PER2: variants seen among roughly 807,000 people sequenced by gnomAD.
PER2 encodes the protein period circadian regulator 2, also known as period circadian protein homolog 2.
A neutral mutation model predicts 121.0 loss-of-function variants in PER2; 66 were observed. The observed-to-expected ratio is 0.55, with a 90% confidence interval of 0.45 to 0.67. PER2 has a LOEUF of 0.67. Ranked by LOEUF, PER2 falls within the 30% of genes least tolerant of loss-of-function variation. The pLI, the probability that PER2 is intolerant of heterozygous loss-of-function variation, is 0.00. For missense variants in PER2, 1,521 were observed against 1,635.0 expected (o/e 0.93, Z 1.20); for synonymous variants, 684 against 659.9 (o/e 1.04, Z -0.56).
At chr2:238,267,491 T>C (rs1696146636) in intron 8 of PER2, among the ~76,000 whole-genome samples, 2 of 152,274 alleles carry the variant, frequency 1.3e-5, no homozygotes, top group Admixed American at 6.5e-5. Flanking sequence ...ACAGCAAGCC[T>C]TGTATGGAGG....
At chr2:238,281,420 A>G (rs375669604) in intron 1 of PER2, among the ~76,000 whole-genome samples, 40 of 152,350 alleles carry the variant, frequency 2.6e-4, no homozygotes, top group African/African-American at 9.4e-4. Context: ...TGAGTCACAT[A>G]AAACCCAAAA....
chr2:238,293,361 A>T (rs1364917758), upstream of PER2, among the ~76,000 whole-genome samples: 1 of 152,310 alleles, frequency 6.6e-6, no homozygotes, highest in African/African-American at 2.4e-5. Flanking sequence ...GACTTCTCTT[A>T]TTATCAGTTT....
At position 238,265,568 on chromosome 2, in the gene PER2, C is replaced by G; in HGVS notation, c.990G>C (p.Lys330Asn). ...GYEAPRIPPE[K>N]RIFTTTHTPN... ...GTGTATGGGTGGTTGTAAAAATTCT[C>G]TTTTCAGGAGGAATTCTAGGGGCTG... The change falls in exon 9 of 23, where the codon AAG becomes AAC. Residue 330 changes from lysine to asparagine, a missense_variant. Transcript: ENST00000254657. The G allele has an allele frequency of 6.2e-7, 1 of 1,607,852 alleles. No homozygotes were observed. Among genetic ancestry groups the G allele is most frequent in the East Asian group, 2.2e-5 (1 of 44,854 alleles).
chr2:238,298,926 T>A, the PER2 span: 2 of 152,224 alleles, frequency 1.3e-5, no homozygotes, highest in Non-Finnish European at 2.9e-5. Context: ...AGGGCCTCAC[T>A]GGCAGCTCAG....
intron 6 of PER2, 106 bp downstream of exon 6, chr2:238,271,206 G>A (rs1287748278): frequency 2.1e-6 from 2 of 948,646 alleles, no homozygotes; most frequent in East Asian, 4.8e-5. Flanking sequence ...CCACAGGTGG[G>A]CTCTGAAAGG....
intron 18 of PER2, among the ~76,000 whole-genome samples, chr2:238,254,614 G>C (rs1695707336): frequency 6.6e-6 from 1 of 152,210 alleles, no homozygotes; most frequent in South Asian, 2.1e-4. Context: ...GTCATGTCTG[G>C]GTCTGGCAGG....
upstream of PER2, among the ~76,000 whole-genome samples, chr2:238,290,790 G>T (rs759319924): frequency 2.6e-5 from 4 of 152,126 alleles, no homozygotes; most frequent in African/African-American, 7.2e-5. Flanking sequence ...GATGTAGAAG[G>T]GGGGAGGAGG....
chr2:238,286,614 C>A (rs1351425379), intron 1 of PER2, among the ~76,000 whole-genome samples: 1 of 152,192 alleles, frequency 6.6e-6, no homozygotes, highest in African/African-American at 2.4e-5. Flanking sequence ...ACAGTCTCTG[C>A]CAAGCTTATG....
At position 238,259,966 on chromosome 2, in the gene PER2, TACCTGTAACGGA is replaced by T; in HGVS notation, c.1618_1627+2del. 1 of 1,290,376 alleles carries T rather than the reference TACCTGTAACGGA, an allele frequency of 7.7e-7. No individual in the cohort carries two copies. The highest frequency in any genetic ancestry group is 1.8e-5 in the Admixed American group (1 of 56,322). 79.9% of individuals were successfully genotyped at this position (1,290,376 alleles called of 1,614,324 possible). A position where few individuals can be genotyped will look rare whatever the true frequency, so the allele number is the denominator to read the frequency against. On this transcript the variant is annotated splice_donor_variant and coding_sequence_variant, in exon 14 of 23. Transcript: ENST00000254657. LOFTEE classifies it high-confidence loss of function. ...AGGAAATGTTGAATATTTTTTTTTT[TACCTGTAACGGA>T]TTTTTTCTTTTGTTCTCCAGATTCA...
intron 5 of PER2, among the ~76,000 whole-genome samples, chr2:238,272,626 G>A (rs1050779391): frequency 1.3e-5 from 2 of 152,254 alleles, no homozygotes; most frequent in Non-Finnish European, 2.9e-5. Context: ...GTGTGTGTAT[G>A]TGGCCCATGT....
intron 8 of PER2, among the ~76,000 whole-genome samples, chr2:238,266,708 A>G (rs1696123865): frequency 6.6e-6 from 1 of 152,204 alleles, no homozygotes; most frequent in Non-Finnish European, 1.5e-5. Context: ...ATTGCAGAGA[A>G]AGTCACATAC....
chr2:238,269,587 A>C (rs533690648), intron 6 of PER2, among the ~76,000 whole-genome samples: 4 of 149,382 alleles, frequency 2.7e-5, no homozygotes, highest in African/African-American at 7.6e-5. Context: ...GCACTGCTGC[A>C]AACACACCAA....
chr2:238,251,609 C>T lies in PER2; in HGVS notation c.3264G>A (p.Pro1088=), dbSNP rs746112929. The change falls in exon 20 of 23, where the codon CCG becomes CCA. Residue 1088 remains proline, a synonymous_variant. Transcript: ENST00000254657. ...CCAGGGCCAACATACCTGCCCCACT[C>T]GGGGAGGCGTCGCAGCCCAGTGAGC... is the stretch of plus-strand genomic sequence containing the variant. The part of the protein sequence containing the change: ...GSGSLGCDAS[P]SGAGSSDTSH... 2.5e-5 allele frequency: 40 copies of T among 1,613,976 alleles called. No individual in the cohort carries two copies. The highest frequency in any genetic ancestry group is 1.0e-4 in the Admixed American group (6 of 59,988).
chr2:238,261,395 GC>G (rs1695927108), intron 12 of PER2: 7 of 415,218 alleles, frequency 1.7e-5, no homozygotes, highest in Non-Finnish European at 2.7e-5. Context: ...AAGTCCCACT[GC>G]TCTGGATTAG....
intron 1 of PER2, among the ~76,000 whole-genome samples, chr2:238,279,765 G>A (rs528035412): frequency 2.0e-4 from 31 of 152,318 alleles, no homozygotes; most frequent in Admixed American, 1.7e-3. Context: ...TTGGTCGGGG[G>A]GAGGGATCAT....
chr2:238,266,501 T>TA (rs112374047), intron 8 of PER2, among the ~76,000 whole-genome samples: 1 of 152,182 alleles, frequency 6.6e-6, no homozygotes, highest in African/African-American at 2.4e-5. Context: ...ACAAAGCTGA[T>TA]AGAGTAATTT....
rs1263028516 is a variant in PER2, at chr2:238,277,945, C to T, written c.-9G>A. On this transcript the variant is annotated 5_prime_UTR_variant, in exon 2 of 23. Coordinates refer to ENST00000254657, the MANE Select transcript of PER2 (RefSeq NM_022817.3). ...TCCGCGTATCCATTCATGCTGGGCTCTGGAACGAAGCTGGCAAACAGAGGG... is the reference window on the plus strand; with the variant it reads ...TCCGCGTATCCATTCATGCTGGGCTTTGGAACGAAGCTGGCAAACAGAGGG... 8.7e-6 allele frequency: 14 copies of T among 1,612,832 alleles called. No individual in the cohort carries two copies. Among genetic ancestry groups the T allele is most frequent in the East Asian group, 4.5e-5 (2 of 44,880 alleles).
At chr2:238,287,425 G>A (rs188862373) in intron 1 of PER2, among the ~76,000 whole-genome samples, 1 of 152,378 alleles carries the variant, frequency 6.6e-6, no homozygotes, top group East Asian at 1.9e-4. Flanking sequence ...CCAGGTGGGG[G>A]TAGAGGGTGG....
At chr2:238,289,093 G>T (rs1211633281), upstream of PER2, 3 of 152,210 alleles carry the variant, frequency 2.0e-5, no homozygotes, top group African/African-American at 7.2e-5. Flanking sequence ...GGGGAGCGCG[G>T]AGTGGCGCGT....
Sources: gnomAD v4.1 joint callset for allele counts (sites outside exome capture counted in the v4.1 genomes callset) on GRCh38, gnomAD v4.1.1 for gene constraint, MANE v1.5 for transcripts, NCBI Gene and HGNC (gene_info 2026-07-23, HGNC 2026-07-21) for gene names.